Variants in SPOCK1 observed in about 807,000 individuals in gnomAD.
SPOCK1 encodes SPARC (osteonectin), cwcv and kazal like domains proteoglycan 1.
SPOCK1 carries 23 observed loss-of-function variants against 55.3 expected under a neutral mutation model. That is an observed-to-expected ratio of 0.42 (90% CI 0.30 to 0.59). SPOCK1 has a LOEUF of 0.59. Ranked by LOEUF, SPOCK1 falls within the 20% of genes least tolerant of loss-of-function variation. The probability of loss-of-function intolerance (pLI) is 0.22; values close to 1 mark genes in which losing one functional copy is unlikely to be tolerated. For synonymous variants in SPOCK1, 226 were observed against 221.0 expected (o/e 1.02, Z -0.20); for missense variants, 499 against 552.5 (o/e 0.90, Z 0.97).
chr5:137,049,000 C>A (rs199787970), intron 6 of SPOCK1, among the ~76,000 whole-genome samples: 12 of 126,718 alleles, frequency 9.5e-5, no homozygotes, highest in Non-Finnish European at 7.0e-5. Flanking sequence ...GGGTTTCTGC[C>A]GAGAGATCCG....
At chr5:137,154,230 T>C (rs1264418917) in intron 3 of SPOCK1, among the ~76,000 whole-genome samples, 1 of 152,060 alleles carries the variant, frequency 6.6e-6, no homozygotes, top group Non-Finnish European at 1.5e-5. Context: ...GAGGTTGCAG[T>C]GAGCCAAGAT....
At chr5:137,127,576 G>A in intron 4 of SPOCK1, among the ~76,000 whole-genome samples, 1 of 152,272 alleles carries the variant, frequency 6.6e-6, no homozygotes, top group Non-Finnish European at 1.5e-5. Flanking sequence ...CAGTGGGCCT[G>A]AAGGGCAGAA....
chr5:137,237,070 C>G (rs947691834), intron 3 of SPOCK1, among the ~76,000 whole-genome samples: 2 of 152,246 alleles, frequency 1.3e-5, no homozygotes, highest in African/African-American at 2.4e-5. Context: ...AGCTTGCTAG[C>G]AGTCTGCCTT....
At chr5:137,172,140 T>C (rs796213862) in intron 3 of SPOCK1, among the ~76,000 whole-genome samples, 32 of 152,186 alleles carry the variant, frequency 2.1e-4, no homozygotes, top group African/African-American at 5.3e-4. Flanking sequence ...ACTCACAACA[T>C]TTCTAAATCT....
chr5:136,978,000 A>G lies in SPOCK1; in HGVS notation c.*654T>C, dbSNP rs1199283860. 1.5e-5 allele frequency: 6 copies of G among 398,590 alleles called. No homozygotes were observed. Among genetic ancestry groups the G allele is most frequent in the Non-Finnish European group, 2.2e-5 (5 of 226,046 alleles). The allele number at this position is 398,590 out of a possible 1,614,324, so 24.7% of individuals were successfully genotyped here. ...ACACATACAGTCTTTCTGTACATGC[A>G]TGCATATTTATGCATGTACAGGGAA... On this transcript the variant is annotated 3_prime_UTR_variant, in exon 11 of 11. Coordinates refer to ENST00000394945, the MANE Select transcript of SPOCK1 (RefSeq NM_004598.4).
intron 2 of SPOCK1, among the ~76,000 whole-genome samples, chr5:137,406,589 T>C (rs1165358709): frequency 6.6e-6 from 1 of 152,184 alleles, no homozygotes. Flanking sequence ...GGGCAACCCT[T>C]CAGAACTAGA....
intron 2 of SPOCK1, among the ~76,000 whole-genome samples, chr5:137,395,786 G>A (rs1751834674): frequency 1.3e-5 from 2 of 152,208 alleles, no homozygotes; most frequent in Non-Finnish European, 2.9e-5. Context: ...GGTAAGCTCA[G>A]CGGGCCAATC....
chr5:137,095,397 G>A (rs538749205), intron 5 of SPOCK1, among the ~76,000 whole-genome samples: 11 of 152,264 alleles, frequency 7.2e-5, no homozygotes, highest in South Asian at 2.1e-4. Flanking sequence ...TTAAAATGAC[G>A]TATGCCTTTA....
At chr5:137,310,399 A>G (rs748399151) in intron 2 of SPOCK1, among the ~76,000 whole-genome samples, 24 of 152,206 alleles carry the variant, frequency 1.6e-4, no homozygotes, top group Non-Finnish European at 3.4e-4. Context: ...TGTCATCCTC[A>G]TTTAAGAATT....
intron 4 of SPOCK1, among the ~76,000 whole-genome samples, chr5:137,127,388 C>G (rs1006702946): frequency 6.6e-6 from 1 of 152,232 alleles, no homozygotes; most frequent in Non-Finnish European, 1.5e-5. Context: ...GTTGCAAGAA[C>G]CAGAGACACT....
chr5:137,413,825 C>A (rs1752266039), intron 2 of SPOCK1, among the ~76,000 whole-genome samples: 1 of 152,176 alleles, frequency 6.6e-6, no homozygotes, highest in Non-Finnish European at 1.5e-5. Flanking sequence ...TAATGAGCCC[C>A]TACCTGTTCC....
chr5:137,235,312 GT>G (rs1215966165), intron 3 of SPOCK1, among the ~76,000 whole-genome samples: 1 of 152,206 alleles, frequency 6.6e-6, no homozygotes, highest in African/African-American at 2.4e-5. Context: ...AGGTAAAAGG[GT>G]GTTTATGTTC....
At chr5:137,032,782 T>C (rs545985156) in intron 6 of SPOCK1, among the ~76,000 whole-genome samples, 1 of 152,190 alleles carries the variant, frequency 6.6e-6, no homozygotes, top group South Asian at 2.1e-4. Context: ...AGTCGGTATG[T>C]TCTTCACGAT....
At chr5:137,235,517 T>A (rs1355738405) in intron 3 of SPOCK1, among the ~76,000 whole-genome samples, 4 of 152,208 alleles carry the variant, frequency 2.6e-5, no homozygotes, top group Non-Finnish European at 5.9e-5. Flanking sequence ...AGATAAAGTG[T>A]GGCTACATGT....
chr5:137,360,708 C>T (rs1424153395), intron 2 of SPOCK1, among the ~76,000 whole-genome samples: 2 of 152,198 alleles, frequency 1.3e-5, no homozygotes, highest in Non-Finnish European at 2.9e-5. Context: ...CCTTCCATCT[C>T]ATTTAGGTGC....
intron 3 of SPOCK1, among the ~76,000 whole-genome samples, chr5:137,162,486 CA>C (rs1383596918): frequency 6.6e-6 from 1 of 152,096 alleles, no homozygotes; most frequent in Non-Finnish European, 1.5e-5. Context: ...GTGCCTAAAT[CA>C]GAGATGATTT....
intron 2 of SPOCK1, among the ~76,000 whole-genome samples, chr5:137,454,111 G>C (rs1054890131): frequency 2.0e-5 from 3 of 152,142 alleles, no homozygotes; most frequent in African/African-American, 7.2e-5. Flanking sequence ...GCATTGGTGA[G>C]AATAGTGAAG....
intron 3 of SPOCK1, among the ~76,000 whole-genome samples, chr5:137,155,682 T>C (rs1754403084): frequency 6.6e-6 from 1 of 152,246 alleles, no homozygotes; most frequent in Non-Finnish European, 1.5e-5. Flanking sequence ...AAAAAGCTAA[T>C]GAGAAGATGT....
In SPOCK1 at chr5:137,344,507, C is replaced by G. The variant is rs374026640; in HGVS notation, c.187-77452G>C. ...TCTTAAGCAAAAGTGATTTTGCCCC[C>G]TAGGGGACATTTGCCAATGTCTGGA... is the stretch of plus-strand genomic sequence containing the variant. On this transcript the variant is annotated intron_variant, in intron 2 of 10. Coordinates refer to ENST00000394945, the MANE Select transcript of SPOCK1 (RefSeq NM_004598.4). Among the ~76,000 whole-genome samples, 32 of 152,292 alleles carry G rather than the reference C, an allele frequency of 2.1e-4. No homozygotes were observed. In the Middle Eastern group the frequency reaches 0.017, roughly 81 times the overall value.
Sources: gnomAD v4.1 joint callset for allele counts (sites outside exome capture counted in the v4.1 genomes callset) on GRCh38, gnomAD v4.1.1 for gene constraint, MANE v1.5 for transcripts, NCBI Gene and HGNC (gene_info 2026-07-23, HGNC 2026-07-21) for gene names.